Variants in CARMIL1 observed in about 807,000 individuals in gnomAD.
CARMIL1 encodes the protein capping protein regulator and myosin 1 linker 1, also known as F-actin-uncapping protein LRRC16A.
A neutral mutation model predicts 177.1 loss-of-function variants in CARMIL1; 90 were observed. The observed-to-expected ratio is 0.51, with a 90% CI of 0.43 to 0.61. The LOEUF (loss-of-function observed/expected upper bound fraction) is 0.61, where lower values mean the gene tolerates loss of function less well. CARMIL1 is among the 20% of genes least tolerant of loss of function. The pLI is 0.00. For missense variants in CARMIL1, 1,380 were observed against 1,667.0 expected (o/e 0.83, Z 3.00); for synonymous variants, 577 against 606.2 (o/e 0.95, Z 0.71).
Position 25,539,952 on chromosome 6 carries a change from A to G in CARMIL1, c.2202A>G (p.Leu734=), listed in dbSNP as rs1191428273. The change falls in exon 26 of 37, where the codon TTA becomes TTG. Residue 734 remains leucine (L), a synonymous_variant. Transcript: ENST00000329474. ...ATTTTTTATTTCTCTTACAGTTGTT[A>G]CCAAATTTATACCATGTTGGTGGTG... ...MRDAKNSKTL[L]PNLYHVGGAS... 2.8e-5 allele frequency: 44 copies of G among 1,579,522 alleles called. No individual in the cohort carries two copies. The highest frequency in any genetic ancestry group is 3.8e-5 in the Non-Finnish European group (44 of 1,167,878).
intron 9 of CARMIL1, 79 bp downstream of exon 9, chr6:25,466,027 T>C: frequency 1.0e-6 from 1 of 968,994 alleles, no homozygotes; most frequent in Non-Finnish European, 1.7e-6. Flanking sequence ...AAAAAAACAA[T>C]TTTTTTACTG....
At chr6:25,478,690 GGAGGCTGAGGCAGGAGATTCCCTT>G (rs974227856) in intron 11 of CARMIL1, among the ~76,000 whole-genome samples, 1 of 152,036 alleles carries the variant, frequency 6.6e-6, no homozygotes, top group Non-Finnish European at 1.5e-5. Context: ...CAGCTACTCG[GGAGGCTGAGGCAGGAGATTCCCTT>G]GAACCTGGGA....
Position 25,420,183 on chromosome 6 carries a change from C to T in CARMIL1, c.189+19C>T, listed in dbSNP as rs1795725300. 2 of 1,611,770 alleles carry T rather than the reference C, an allele frequency of 1.2e-6. No individual in the cohort carries two copies. Among genetic ancestry groups the T allele is most frequent in the South Asian group, 2.2e-5 (2 of 91,030 alleles). On this transcript the variant is annotated intron_variant, in intron 3 of 36. Transcript: ENST00000329474. ...CACCAAGGTAAGTGTTGATGAAGTCCTTCCTTCTGCACTCACACTCACTCA... is the reference window on the plus strand; with the variant it reads ...CACCAAGGTAAGTGTTGATGAAGTCTTTCCTTCTGCACTCACACTCACTCA...
In CARMIL1 at chr6:25,495,152, G is replaced by C; in HGVS notation, c.1262G>C (p.Ser421Thr). The C allele has an allele frequency of 6.2e-7, 1 of 1,613,154 alleles. No homozygotes were observed. Among genetic ancestry groups the C allele is most frequent in the South Asian group, 1.1e-5 (1 of 90,998 alleles). Reference sequence around the variant, plus strand: ...CCTCCATCTTTCAAGCAATTTTTTAGTAGTTCTCTGGCTTTGATGCACATC... The same window carrying C: ...CCTCCATCTTTCAAGCAATTTTTTACTAGTTCTCTGGCTTTGATGCACATC... ...EVPPSFKQFFSSSLALMHINL... is the reference protein window; with the variant it reads ...EVPPSFKQFFTSSLALMHINL... Residue 421 changes from serine to threonine, a missense_variant, in exon 16 of 37, where the codon AGT (serine) becomes ACT (threonine). Physicochemically the swap from Ser to Thr is moderately conservative, Grantham distance 58. Coordinates refer to ENST00000329474, the MANE Select transcript of CARMIL1 (RefSeq NM_017640.6).
chr6:25,354,530 C>G (rs1006364042), intron 2 of CARMIL1, among the ~76,000 whole-genome samples: 1 of 152,056 alleles, frequency 6.6e-6, no homozygotes, highest in African/African-American at 2.4e-5. Flanking sequence ...ATTGCCCCTT[C>G]ATGTTTTCAG....
chr6:25,407,319 A>T (rs1175331588), intron 2 of CARMIL1, among the ~76,000 whole-genome samples: 2 of 152,024 alleles, frequency 1.3e-5, no homozygotes, highest in African/African-American at 4.8e-5. Context: ...GGATATTTAG[A>T]GATGGAAGAG....
chr6:25,288,464 A>G (rs924173456), intron 2 of CARMIL1, among the ~76,000 whole-genome samples: 2 of 150,530 alleles, frequency 1.3e-5, no homozygotes, highest in African/African-American at 4.9e-5. Context: ...CTTTGTGACA[A>G]TGTTAAGAAT....
chr6:25,438,758 G>C (rs376148202), intron 5 of CARMIL1, among the ~76,000 whole-genome samples: 1 of 152,162 alleles, frequency 6.6e-6, no homozygotes, highest in Non-Finnish European at 1.5e-5. Context: ...GTAGAGCCTC[G>C]TGGGAAAGAG....
At chr6:25,494,707 CA>C (rs1429806023) in intron 15 of CARMIL1, among the ~76,000 whole-genome samples, 28 of 152,204 alleles carry the variant, frequency 1.8e-4, no homozygotes, top group Non-Finnish European at 3.4e-4. Flanking sequence ...AAACCTGCTA[CA>C]TCTAAAAACA....
At chr6:25,372,508 A>C (rs976630666) in intron 2 of CARMIL1, among the ~76,000 whole-genome samples, 1 of 152,024 alleles carries the variant, frequency 6.6e-6, no homozygotes, top group Non-Finnish European at 1.5e-5. Flanking sequence ...TGCTGTTATT[A>C]TAAAAGGGAT....
chr6:25,600,890 C>T (rs989594936), intron 33 of CARMIL1, 144 bp downstream of exon 33: 7 of 778,320 alleles, frequency 9.0e-6, no homozygotes, highest in Non-Finnish European at 1.4e-5. Context: ...TCAAATTACT[C>T]TCTTCTTGCT....
chr6:25,291,722 T>C (rs930498301), intron 2 of CARMIL1, among the ~76,000 whole-genome samples: 1 of 152,186 alleles, frequency 6.6e-6, no homozygotes, highest in Non-Finnish European at 1.5e-5. Context: ...GTTAAACCTA[T>C]AATAGTGTAA....
chr6:25,333,854 G>A (rs1785943653), intron 2 of CARMIL1, among the ~76,000 whole-genome samples: 1 of 152,108 alleles, frequency 6.6e-6, no homozygotes, highest in African/African-American at 2.4e-5. Flanking sequence ...GGAGACAAAA[G>A]CCTTTTTTCT....
intron 23 of CARMIL1, among the ~76,000 whole-genome samples, chr6:25,526,513 G>A (rs1373132602): frequency 2.1e-5 from 3 of 143,208 alleles, no homozygotes; most frequent in African/African-American, 5.2e-5. Flanking sequence ...CTCCTCCTTC[G>A]CCTCTCATCT....
chr6:25,511,663 C>G (rs929781945), intron 20 of CARMIL1, among the ~76,000 whole-genome samples: 1 of 152,102 alleles, frequency 6.6e-6, no homozygotes, highest in Non-Finnish European at 1.5e-5. Context: ...TGAATTCATA[C>G]CAGGGAAGAG....
Position 25,495,098 on chromosome 6 carries a change from G to C in CARMIL1, c.1221-13G>C. 2 of 1,535,414 alleles carry C rather than the reference G, an allele frequency of 1.3e-6. No homozygotes were observed. The highest frequency in any genetic ancestry group is 1.8e-6 in the Non-Finnish European group (2 of 1,110,062). ...AGGTGTAACCGCTTGTGTAACTCTT[G>C]TGTTTTTTTCAGGAAAGGAAAAGAA... On this transcript the variant is annotated splice_polypyrimidine_tract_variant and intron_variant, in intron 15 of 36. Coordinates refer to ENST00000329474, the MANE Select transcript of CARMIL1 (RefSeq NM_017640.6).
chr6:25,349,323 C>T (rs1787866765), intron 2 of CARMIL1, among the ~76,000 whole-genome samples: 1 of 152,240 alleles, frequency 6.6e-6, no homozygotes, highest in African/African-American at 2.4e-5. Context: ...CGAAAACATG[C>T]AAACTCTACA....
chr6:25,510,410 C>A lies in CARMIL1; in HGVS notation c.1478-97C>A. On this transcript the variant is annotated intron_variant, in intron 18 of 36. Transcript: ENST00000329474. ...GGCCCCTCAGGAAGGTAAAGGAAGT[C>A]ATCCAACTATATGTCACCTTTGCTT... The A allele has an allele frequency of 4.4e-6, 3 of 682,754 alleles. No homozygotes were observed. The South Asian group carries it at 6.5e-5, about 15-fold the overall frequency. The allele number at this position is 682,754 out of a possible 1,614,324, so 42.3% of individuals were successfully genotyped here. A position where few individuals can be genotyped will look rare whatever the true frequency, so the allele number is the denominator to read the frequency against.
chr6:25,398,095 T>C (rs78278953), intron 2 of CARMIL1, among the ~76,000 whole-genome samples: 4,510 of 152,264 alleles, frequency 0.03, 88 homozygotes, highest in Middle Eastern at 0.1. Context: ...TCTCTGAATG[T>C]TGGGTTACTG....
Sources: gnomAD v4.1 joint callset for allele counts (sites outside exome capture counted in the v4.1 genomes callset) on GRCh38, gnomAD v4.1.1 for gene constraint, MANE v1.5 for transcripts, NCBI Gene and HGNC (gene_info 2026-07-23, HGNC 2026-07-21) for gene names.